Variants in DCAF10 observed in about 807,000 individuals in gnomAD.
DCAF10 encodes the protein DDB1- and CUL4-associated factor 10.
DCAF10 carries 19 observed loss-of-function variants against 51.9 expected under a neutral mutation model. The observed-to-expected ratio is 0.37, with a 90% confidence interval of 0.26 to 0.54. The LOEUF is 0.54. Among genes scored for constraint, DCAF10 ranks in the 20% least tolerant of loss-of-function variants. The probability of loss-of-function intolerance (pLI) is 0.87; values close to 1 mark genes in which losing one functional copy is unlikely to be tolerated. For missense variants in DCAF10, 510 were observed against 730.6 expected (o/e 0.70, Z 3.48); for synonymous variants, 291 against 297.1 (o/e 0.98, Z 0.21).
At chr9:37,852,256 AG>A (rs780167169) in intron 3 of DCAF10, among the ~76,000 whole-genome samples, 3 of 152,214 alleles carry the variant, frequency 2.0e-5, no homozygotes, top group Non-Finnish European at 4.4e-5. Flanking sequence ...AATATTCAGA[AG>A]GAAACAACGA....
rs752905535 is a variant in DCAF10 at position 37,854,810 on chromosome 9, A to G, written c.882A>G (p.Lys294=). 1.9e-6 allele frequency: 3 copies of G among 1,613,858 alleles called. No homozygotes were observed. The highest frequency in any genetic ancestry group is 2.2e-5 in the East Asian group (1 of 44,836). ...CAGAAGATGGGTGTCCACATAAGAA[A>G]TTCTTTCACACACGTTTTCTCATGC... ...RYTEDGCPHK[K]FFHTRFLMRM... The change falls in exon 4 of 7, where the codon AAA becomes AAG. Residue 294 remains lysine, a synonymous_variant. Coordinates refer to ENST00000377724, the MANE Select transcript of DCAF10 (RefSeq NM_024345.5).
chr9:37,856,180 T>G (rs1329709259), intron 4 of DCAF10, among the ~76,000 whole-genome samples: 1 of 152,058 alleles, frequency 6.6e-6, no homozygotes. Context: ...AAAAAAAGGT[T>G]GGAATCTTTC....
At chr9:37,848,119 G>A (rs1377886882) in intron 3 of DCAF10, among the ~76,000 whole-genome samples, 1 of 152,158 alleles carries the variant, frequency 6.6e-6, no homozygotes, top group African/African-American at 2.4e-5. Flanking sequence ...CACATTGCTG[G>A]TGGGAATGTA....
rs1333500434 is a variant in DCAF10, at chr9:37,866,580, A to G, written c.*5072A>G. 6.6e-6 allele frequency: 1 copy of G among 152,360 alleles called. No individual in the cohort carries two copies. The highest frequency in any genetic ancestry group is 1.5e-5 in the Non-Finnish European group (1 of 68,042). 9.4% of individuals were successfully genotyped at this position (152,360 alleles called of 1,614,324 possible). On this transcript the variant is annotated 3_prime_UTR_variant, in exon 7 of 7. Transcript: ENST00000377724. Reference sequence around the variant, plus strand: ...TAATGTGCTGTTATGAGCTTTGGACATGAGATAACCGTGCCTGTTCAGAGT... The same window carrying G: ...TAATGTGCTGTTATGAGCTTTGGACGTGAGATAACCGTGCCTGTTCAGAGT...
intron 1 of DCAF10, among the ~76,000 whole-genome samples, chr9:37,808,533 TATATA>T (rs993128991): frequency 3.2e-4 from 32 of 100,294 alleles, no homozygotes; most frequent in Non-Finnish European, 5.4e-4. Flanking sequence ...ATTATATAAA[TATATA>T]ATATATGTAA....
At chr9:37,846,267 T>G (rs1278277495) in intron 3 of DCAF10, among the ~76,000 whole-genome samples, 1 of 152,062 alleles carries the variant, frequency 6.6e-6, no homozygotes, top group African/African-American at 2.4e-5. Context: ...TTGTTTCAAA[T>G]GAGGAATAAG....
Position 37,842,126 on chromosome 9 carries a change from G to T in DCAF10, c.691G>T (p.Asp231Tyr). The part of the protein sequence containing the change: ...DNRLFATCSD[D>Y]TTIALWDLRK... ...CCGGCTGTTTGCTACCTGCTCTGAT[G>T]ACACTACAATAGCACTATGGGATCT... is the stretch of plus-strand genomic sequence containing the variant. Residue 231 changes from aspartate (D) to tyrosine (Y), a missense_variant, in exon 3 of 7, where the codon GAC becomes TAC. Physicochemically the swap from Asp to Tyr is radical, Grantham distance 160. This residue lies in a region of DCAF10 where 126 missense variants were observed against 271.5 expected (regional missense o/e 0.46). Coordinates refer to ENST00000377724, the MANE Select transcript of DCAF10 (RefSeq NM_024345.5). The T allele has an allele frequency of 6.2e-7, 1 of 1,613,512 alleles. No individual in the cohort carries two copies. The highest frequency in any genetic ancestry group is 1.1e-5 in the South Asian group (1 of 90,940).
At chr9:37,841,089 A>G (rs1393260756) in intron 2 of DCAF10, among the ~76,000 whole-genome samples, 1 of 152,196 alleles carries the variant, frequency 6.6e-6, no homozygotes, top group African/African-American at 2.4e-5. Flanking sequence ...ATTTCTCAGA[A>G]TGTATTCCAT....
intron 2 of DCAF10, among the ~76,000 whole-genome samples, chr9:37,823,021 T>C (rs1034397157): frequency 2.0e-5 from 3 of 152,040 alleles, no homozygotes; most frequent in African/African-American, 7.2e-5. Context: ...ACTCAATAGA[T>C]GGGATAAACT....
In DCAF10 at chr9:37,800,803, A is replaced by AC; in HGVS notation, c.-63dup. 2.6e-6 allele frequency: 4 copies of AC among 1,509,562 alleles called. No homozygotes were observed. Among genetic ancestry groups the AC allele is most frequent in the Non-Finnish European group, 3.5e-6 (4 of 1,134,018 alleles). The allele number at this position is 1,509,562 out of a possible 1,614,324, so 93.5% of individuals were successfully genotyped here. On this transcript the variant is annotated 5_prime_UTR_variant, in exon 1 of 7. Transcript: ENST00000377724. ...GCTGCACGCCGGAAGTGGCAGCTGA[A>AC]CAGGGGCACTGAGGTGTCGGCCGGC...
chr9:37,819,894 A>G (rs1003338867), intron 2 of DCAF10, among the ~76,000 whole-genome samples: 3 of 152,254 alleles, frequency 2.0e-5, no homozygotes, highest in Admixed American at 2.0e-4. Context: ...TAGTTTGGTG[A>G]TTAATATTCA....
intron 1 of DCAF10, among the ~76,000 whole-genome samples, chr9:37,808,272 G>A (rs1299731621): frequency 1.3e-5 from 2 of 151,252 alleles, no homozygotes; most frequent in East Asian, 3.9e-4. Context: ...AGCCAGTTGT[G>A]GGGCTCATGC....
chr9:37,857,092 C>A (rs1373195379), intron 4 of DCAF10, 149 bp from the exon 5 acceptor site: 4 of 486,926 alleles, frequency 8.2e-6, no homozygotes, highest in African/African-American at 6.0e-5. Flanking sequence ...CTTCAAAGAG[C>A]TGTCTTGCCT....
At chr9:37,820,803 T>C (rs1325856423) in intron 2 of DCAF10, among the ~76,000 whole-genome samples, 1 of 152,088 alleles carries the variant, frequency 6.6e-6, no homozygotes, top group African/African-American at 2.4e-5. Context: ...TAAAGACATA[T>C]AATATTAATA....
chr9:37,848,199 A>T (rs1031831926), intron 3 of DCAF10, among the ~76,000 whole-genome samples: 6 of 152,336 alleles, frequency 3.9e-5, no homozygotes, highest in African/African-American at 1.4e-4. Context: ...TTACCATATG[A>T]TCCACCAATT....
Position 37,864,594 on chromosome 9 carries a change from A to AT in DCAF10, c.*3086_*3087insT, listed in dbSNP as rs1831098058. 2 of 148,626 alleles carry AT rather than the reference A, an allele frequency of 1.3e-5. No homozygotes were observed. The highest frequency in any genetic ancestry group is 2.1e-4 in the South Asian group (1 of 4,806). The allele number at this position is 148,626 out of a possible 1,614,324, so 9.2% of individuals were successfully genotyped here. A position where few individuals can be genotyped will look rare whatever the true frequency, so the allele number is the denominator to read the frequency against. On this transcript the variant is annotated 3_prime_UTR_variant, in exon 7 of 7. Coordinates refer to ENST00000377724, the MANE Select transcript of DCAF10 (RefSeq NM_024345.5). ...GCGAGACTCTGCCTCAAAAAAAAAA[A>AT]AAAAAATAAAATAAAATAAAATTAG...
rs145652472 is a variant in DCAF10, at chr9:37,837,651, T to C, written c.654-4438T>C. 4.5e-4 allele frequency among the ~76,000 whole-genome samples: 68 copies of C among 152,146 alleles called. 1 individual carries two copies. The highest frequency in any genetic ancestry group is 1.6e-3 in the African/African-American group (65 of 41,512). ...GCAAGACTACAATGGGCTGAAACAG[T>C]TGGTATAGCAACCCCAGAGAAGTGC... On this transcript the variant is annotated intron_variant, in intron 2 of 6. Coordinates refer to ENST00000377724, the MANE Select transcript of DCAF10 (RefSeq NM_024345.5).
At chr9:37,810,998 C>T (rs1411880747) in intron 1 of DCAF10, among the ~76,000 whole-genome samples, 6 of 152,104 alleles carry the variant, frequency 3.9e-5, no homozygotes, top group South Asian at 2.1e-4. Context: ...TCTACTCTAG[C>T]TTACTTGCCA....
In DCAF10 at chr9:37,859,462, T is replaced by C. The variant is rs561127646; in HGVS notation, c.1166-586T>C. ...GGAAATGATGAGGCATAGTAGAGTC[T>C]ATGATTGGCAATGTCTCCCATCCCT... On this transcript the variant is annotated intron_variant, in intron 5 of 6. Coordinates refer to ENST00000377724, the MANE Select transcript of DCAF10 (RefSeq NM_024345.5). Among the ~76,000 whole-genome samples the C allele has an allele frequency of 2.0e-5, 3 of 152,360 alleles. No homozygotes were observed. The East Asian group carries it at 5.8e-4, about 29-fold the overall frequency.
Sources: allele counts gnomAD v4.1 joint callset (sites outside exome capture counted in the v4.1 genomes callset), GRCh38; gene constraint gnomAD v4.1.1; regional missense constraint gnomAD v4.1.1; transcripts MANE v1.5; gene names NCBI Gene and HGNC (gene_info 2026-07-23, HGNC 2026-07-21).